Variants in KCNIP3 observed in about 807,000 individuals in gnomAD.
KCNIP3 encodes the protein calsenilin.
A neutral mutation model predicts 35.0 loss-of-function variants in KCNIP3; 28 were observed. That is an observed-to-expected ratio of 0.80 (90% CI 0.59 to 1.10). The LOEUF (loss-of-function observed/expected upper bound fraction) is 1.10, where lower values mean the gene tolerates loss of function less well. Ranked by LOEUF, KCNIP3 falls within the 50% of genes least tolerant of loss-of-function variation. The pLI is 0.00. For missense variants in KCNIP3, 295 were observed against 338.4 expected (o/e 0.87, Z 1.01); for synonymous variants, 134 against 133.8 (o/e 1.00, Z -0.01).
intron 2 of KCNIP3, among the ~76,000 whole-genome samples, chr2:95,362,308 G>T (rs1679817952): frequency 6.6e-6 from 1 of 152,072 alleles, no homozygotes; most frequent in South Asian, 2.1e-4. Flanking sequence ...GTTTCTCCAT[G>T]TTGGTCAGGC....
chr2:95,335,273 A>G (rs1679033378), intron 2 of KCNIP3, among the ~76,000 whole-genome samples: 4 of 152,224 alleles, frequency 2.6e-5, no homozygotes, highest in Admixed American at 2.6e-4. Flanking sequence ...TACTAATGAT[A>G]TATTCTCACA....
intron 2 of KCNIP3, among the ~76,000 whole-genome samples, chr2:95,337,759 C>T (rs1407516005): frequency 6.6e-6 from 1 of 152,240 alleles, no homozygotes; most frequent in African/African-American, 2.4e-5. Flanking sequence ...CTCACCTCTC[C>T]AGTCCTTCTG....
intron 2 of KCNIP3, among the ~76,000 whole-genome samples, chr2:95,329,864 C>T (rs1020685750): frequency 2.0e-5 from 3 of 152,250 alleles, no homozygotes; most frequent in Admixed American, 6.5e-5. Flanking sequence ...CTTCCCTGCG[C>T]GTCTTTAATA....
chr2:95,347,379 A>T (rs1384692673), intron 2 of KCNIP3, among the ~76,000 whole-genome samples: 3 of 152,188 alleles, frequency 2.0e-5, no homozygotes, highest in Admixed American at 2.0e-4. Context: ...AGCTCCTGCC[A>T]TCCTAGGCCT....
At chr2:95,339,897 G>A (rs1679150667) in intron 2 of KCNIP3, among the ~76,000 whole-genome samples, 1 of 152,184 alleles carries the variant, frequency 6.6e-6, no homozygotes, top group Admixed American at 6.5e-5. Context: ...CAGCCATTCA[G>A]GCACCCAGGC....
intron 1 of KCNIP3, among the ~76,000 whole-genome samples, chr2:95,309,852 TCACCACC>T (rs944194047): frequency 6.6e-6 from 1 of 151,938 alleles, no homozygotes; most frequent in Non-Finnish European, 1.5e-5. Flanking sequence ...CCTCCTGGGG[TCACCACC>T]CAGCCTTTCA....
chr2:95,353,777 G>A (rs1226156585), intron 2 of KCNIP3, among the ~76,000 whole-genome samples: 1 of 152,206 alleles, frequency 6.6e-6, no homozygotes, highest in Non-Finnish European at 1.5e-5. Flanking sequence ...ATGAGGCTCG[G>A]CTTTGGCTGC....
chr2:95,352,272 G>A (rs529106189), intron 2 of KCNIP3, among the ~76,000 whole-genome samples: 8 of 152,260 alleles, frequency 5.3e-5, no homozygotes, highest in South Asian at 4.1e-4. Flanking sequence ...CAAGAAGTGG[G>A]TAGGACAGAA....
rs1334196233 is a variant in KCNIP3 at position 95,382,435 on chromosome 2, TC to T, written c.616del (p.Leu206CysfsTer24). 6.2e-7 allele frequency: 1 copy of T among 1,608,958 alleles called. No homozygotes were observed. The highest frequency in any genetic ancestry group is 1.3e-5 in the African/African-American group (1 of 74,656). ...ATGATGGGCCGCCACACCTACCCCATCCTGCGGGAGGACGCGCCGGCGGAGC... is the reference window on the plus strand; with the variant it reads ...ATGATGGGCCGCCACACCTACCCCATCTGCGGGAGGACGCGCCGGCGGAGC... ...YDMMGRHTYP[I>X]LREDAPAEHV... On this transcript the variant is annotated frameshift_variant, in exon 7 of 9. Coordinates refer to ENST00000295225, the MANE Select transcript of KCNIP3 (RefSeq NM_013434.5). LOFTEE classifies it high-confidence loss of function. The surrounding 1 kb of genome is among the most constrained non-coding windows in gnomAD (Gnocchi z 4.5).
intron 2 of KCNIP3, among the ~76,000 whole-genome samples, chr2:95,369,887 CT>C (rs1353903387): frequency 2.0e-5 from 3 of 152,192 alleles, no homozygotes; most frequent in African/African-American, 7.2e-5. Context: ...GCCTCTGGTG[CT>C]GGGATTACAG....
intron 2 of KCNIP3, among the ~76,000 whole-genome samples, chr2:95,345,954 C>A (rs1449261065): frequency 1.3e-5 from 2 of 152,234 alleles, no homozygotes; most frequent in Non-Finnish European, 1.5e-5. Flanking sequence ...GCGTCTCCCC[C>A]TCTCTGCGGA....
chr2:95,315,628 C>T (rs1254246729), intron 2 of KCNIP3, among the ~76,000 whole-genome samples: 1 of 152,256 alleles, frequency 6.6e-6, no homozygotes, highest in African/African-American at 2.4e-5. Context: ...GTGGGCAACA[C>T]ATGTACCAGG....
intron 2 of KCNIP3, among the ~76,000 whole-genome samples, chr2:95,355,708 G>C (rs1355789950): frequency 1.3e-5 from 2 of 152,176 alleles, no homozygotes; most frequent in Non-Finnish European, 2.9e-5. Flanking sequence ...GTATTCCATG[G>C]TGTATATGTG....
At chr2:95,298,529 T>C (rs1189383734) in intron 1 of KCNIP3, among the ~76,000 whole-genome samples, 4 of 151,928 alleles carry the variant, frequency 2.6e-5, no homozygotes, top group Admixed American at 6.6e-5. Flanking sequence ...AGAAGGGATA[T>C]GGGGTTGGCA....
chr2:95,365,641 T>C (rs1679899561), intron 2 of KCNIP3, among the ~76,000 whole-genome samples: 1 of 151,412 alleles, frequency 6.6e-6, no homozygotes, highest in Non-Finnish European at 1.5e-5. Context: ...GGTCAAGGAG[T>C]TTTGTTGTTT....
chr2:95,300,010 A>G (rs1204255503), intron 1 of KCNIP3, among the ~76,000 whole-genome samples: 2 of 152,236 alleles, frequency 1.3e-5, no homozygotes, highest in African/African-American at 4.8e-5. Flanking sequence ...TGCAGGCTAC[A>G]AGAGTTGTGG....
intron 1 of KCNIP3, among the ~76,000 whole-genome samples, chr2:95,308,423 A>C (rs1558758275): frequency 6.6e-6 from 1 of 152,170 alleles, no homozygotes; most frequent in Non-Finnish European, 1.5e-5. Flanking sequence ...AGGATAAGGG[A>C]ACTGGACATC....
intron 2 of KCNIP3, among the ~76,000 whole-genome samples, chr2:95,323,229 C>T (rs1396766804): frequency 6.6e-6 from 1 of 152,250 alleles, no homozygotes; most frequent in African/African-American, 2.4e-5. Context: ...GGCCACCTTC[C>T]TGGCACCAGG....
intron 2 of KCNIP3, among the ~76,000 whole-genome samples, chr2:95,338,961 G>C (rs1679127255): frequency 6.6e-6 from 1 of 152,184 alleles, no homozygotes; most frequent in Admixed American, 6.5e-5. Context: ...GCATTGACTT[G>C]TCTAAGCCCC....
Sources: gnomAD v4.1 joint callset for allele counts (sites outside exome capture counted in the v4.1 genomes callset) on GRCh38, gnomAD v4.1.1 for gene constraint, Gnocchi (gnomAD v3.1) non-coding constraint, MANE v1.5 for transcripts, NCBI Gene and HGNC (gene_info 2026-07-23, HGNC 2026-07-21) for gene names.